MFN1: variants seen among roughly 807,000 people sequenced by gnomAD.
MFN1 encodes mitofusin 1, also known as mitofusin-1.
A neutral mutation model predicts 92.4 loss-of-function variants in MFN1; 65 were observed. The observed-to-expected ratio is 0.70, with a 90% CI of 0.58 to 0.86. The LOEUF is 0.86. MFN1 is among the 40% of genes least tolerant of loss of function. The pLI, the probability that MFN1 is intolerant of heterozygous loss-of-function variation, is 0.00. For synonymous variants in MFN1, 297 were observed against 300.9 expected, an observed-to-expected ratio of 0.99 and a Z score of 0.13; for missense variants, 781 against 868.0, an observed-to-expected ratio of 0.90 and a Z score of 1.26.
Position 179,351,993 on chromosome 3 carries a change from A to T in MFN1, c.206A>T (p.Glu69Val), listed in dbSNP as rs768934101. The T allele has an allele frequency of 6.2e-7, 1 of 1,609,410 alleles. No individual in the cohort carries two copies. The highest frequency in any genetic ancestry group is 8.5e-7 in the Non-Finnish European group (1 of 1,176,616). The stretch of plus-strand genomic sequence containing the variant: ...AAAGACAAGCTTTCCATCATTGGTG[A>T]GGTGCTATCTCGGAGACACATGAAG... ...GYKDKLSIIG[E>V]VLSRRHMKVA... Residue 69 changes from glutamate (E) to valine (V), a missense_variant, in exon 3 of 18, where the codon GAG becomes GTG. By Grantham distance (121) the Glu-to-Val change is moderately radical. Transcript: ENST00000471841.
intron 4 of MFN1, among the ~76,000 whole-genome samples, chr3:179,361,671 A>G (rs553336710): frequency 5.0e-4 from 76 of 151,640 alleles, no homozygotes; most frequent in Non-Finnish European, 9.7e-4. Flanking sequence ...CGAGTAGCTG[A>G]AATTAGAGGC....
chr3:179,380,693 AC>A (rs907737324), intron 14 of MFN1, among the ~76,000 whole-genome samples: 3 of 152,284 alleles, frequency 2.0e-5, no homozygotes, highest in South Asian at 2.1e-4. Context: ...AAATACAAAA[AC>A]CTTTTTTGGG....
chr3:179,369,653 C>T (rs781545032), intron 9 of MFN1, among the ~76,000 whole-genome samples: 4 of 152,122 alleles, frequency 2.6e-5, no homozygotes, highest in South Asian at 2.1e-4. Context: ...AATCACATGA[C>T]GTGCTTTAGA....
rs1038358521 is a variant in MFN1, at chr3:179,376,888, A to C, written c.1098-154A>C. 8 of 614,648 alleles carry C rather than the reference A, an allele frequency of 1.3e-5. No homozygotes were observed. In the African/African-American group the frequency reaches 1.5e-4, roughly 12 times the overall value. 38.1% of individuals were successfully genotyped at this position (614,648 alleles called of 1,614,324 possible). A position where few individuals can be genotyped will look rare whatever the true frequency, so the allele number is the denominator to read the frequency against. ...AATCATCTATATAAAATACTTTATAAGTGAAATATTACTTGAATCCTTTGA... is the reference window on the plus strand; with the variant it reads ...AATCATCTATATAAAATACTTTATACGTGAAATATTACTTGAATCCTTTGA... On this transcript the variant is annotated intron_variant, in intron 10 of 17. Transcript: ENST00000471841.
At position 179,382,766 on chromosome 3, in the gene MFN1, A is replaced by G. The variant is rs537443348; in HGVS notation, c.1663-2803A>G. On this transcript the variant is annotated intron_variant, in intron 14 of 17. Transcript: ENST00000471841. ...CTGACTTTGTAATGATTGCCATTCT[A>G]ACTGGTGTGAGATGATATCTCATTG... Among the ~76,000 whole-genome samples the G allele has an allele frequency of 6.6e-4, 100 of 152,282 alleles. 4 individuals carry two copies. In the South Asian group the frequency reaches 0.02, roughly 31 times the overall value.
intron 7 of MFN1, among the ~76,000 whole-genome samples, chr3:179,365,851 T>C (rs1712766956): frequency 1.3e-5 from 2 of 152,262 alleles, no homozygotes; most frequent in South Asian, 2.1e-4. Context: ...GTAGCATAGT[T>C]GTATTGCATT....
chr3:179,373,953 G>T (rs1258625963), intron 9 of MFN1, among the ~76,000 whole-genome samples: 1 of 151,928 alleles, frequency 6.6e-6, no homozygotes, highest in Non-Finnish European at 1.5e-5. Context: ...GATTACAGGA[G>T]TGAGCCACCA....
chr3:179,361,590 G>A (rs1712581821), intron 4 of MFN1, among the ~76,000 whole-genome samples: 1 of 150,488 alleles, frequency 6.6e-6, no homozygotes, highest in Admixed American at 6.6e-5. Context: ...AGGCTGGGGT[G>A]CAGTGGCGTG....
At chr3:179,388,413 A>G (rs949019107) in intron 16 of MFN1, among the ~76,000 whole-genome samples, 2 of 152,158 alleles carry the variant, frequency 1.3e-5, no homozygotes, top group Non-Finnish European at 2.9e-5. Context: ...TATAACATAT[A>G]CCTAAGTCCA....
chr3:179,365,014 T>C (rs1368259486), intron 6 of MFN1, 104 bp from the exon 7 acceptor site: 2 of 551,098 alleles, frequency 3.6e-6, no homozygotes, highest in Non-Finnish European at 6.1e-6. Context: ...TTGTCAGTGG[T>C]GTTAATTACT....
Position 179,386,522 on chromosome 3 carries a change from C to G in MFN1, c.1905C>G (p.Thr635=). Residue 635 remains threonine (T), a synonymous_variant, in exon 16 of 18, where the codon ACC becomes ACG. Coordinates refer to ENST00000471841, the MANE Select transcript of MFN1 (RefSeq NM_033540.3). ...TTTATGAAAGACTGAGCTGGACCAC[C>G]CATGCCAAGGAGCGAGCCTTTAAAC... is the stretch of plus-strand genomic sequence containing the variant. The part of the protein sequence containing the change: ...LYLYERLSWT[T]HAKERAFKQQ... 4 of 1,613,998 alleles carry G rather than the reference C, an allele frequency of 2.5e-6. No individual in the cohort carries two copies. The highest frequency in any genetic ancestry group is 1.3e-5 in the African/African-American group (1 of 74,996).
chr3:179,353,926 C>A (rs1712252521), intron 3 of MFN1, among the ~76,000 whole-genome samples: 1 of 152,240 alleles, frequency 6.6e-6, no homozygotes, highest in Non-Finnish European at 1.5e-5. Context: ...ACCTTGGACA[C>A]CTTCTCTGAC....
intron 4 of MFN1, among the ~76,000 whole-genome samples, 186 bp from the exon 5 acceptor site, chr3:179,362,167 TTTGAG>T: frequency 6.6e-6 from 1 of 152,338 alleles, no homozygotes; most frequent in East Asian, 1.9e-4. Context: ...TGGAGTTCTT[TTTGAG>T]GGAACCATTT....
intron 4 of MFN1, among the ~76,000 whole-genome samples, chr3:179,359,442 A>G (rs1399270148): frequency 4.2e-5 from 5 of 119,740 alleles, no homozygotes; most frequent in Non-Finnish European, 1.7e-5. Context: ...TTTTTTTGAC[A>G]CTGAGTCTCA....
At chr3:179,385,968 C>A (rs191284192) in intron 15 of MFN1, among the ~76,000 whole-genome samples, 59 of 152,266 alleles carry the variant, frequency 3.9e-4, no homozygotes, top group East Asian at 3.5e-3. Context: ...AGCATTTTCA[C>A]ATCACAGCAC....
intron 8 of MFN1, among the ~76,000 whole-genome samples, 164 bp downstream of exon 8, chr3:179,367,756 C>G (rs544153872): frequency 2.0e-5 from 3 of 151,982 alleles, no homozygotes; most frequent in South Asian, 4.2e-4. Context: ...AACCCCATCT[C>G]TACTAAAAAT....
chr3:179,367,952 A>ATATG, intron 8 of MFN1, 84 bp from the exon 9 acceptor site: 1 of 626,414 alleles, frequency 1.6e-6, no homozygotes, highest in East Asian at 6.4e-5. Flanking sequence ...ATATATATAT[A>ATATG]TTTAAAATTA....
intron 3 of MFN1, among the ~76,000 whole-genome samples, chr3:179,357,709 T>C (rs1351534804): frequency 6.6e-6 from 1 of 152,186 alleles, no homozygotes; most frequent in Non-Finnish European, 1.5e-5. Context: ...ATCAAAAGTG[T>C]CCTTTTTCCT....
intron 16 of MFN1, 45 bp from the exon 17 acceptor site, chr3:179,389,959 C>G (rs1713839111): frequency 1.3e-6 from 2 of 1,528,080 alleles, no homozygotes; most frequent in Non-Finnish European, 1.8e-6. Flanking sequence ...AAAGCTTATT[C>G]ATTTTTGAAG....
Sources: allele counts gnomAD v4.1 joint callset (sites outside exome capture counted in the v4.1 genomes callset), GRCh38; gene constraint gnomAD v4.1.1; transcripts MANE v1.5; gene names NCBI Gene and HGNC (gene_info 2026-07-23, HGNC 2026-07-21).